The following ITSN1 variants were observed in gnomAD, a reference collection of about 807,000 sequenced individuals.
ITSN1 encodes the protein intersectin-1.
ITSN1 carries 58 observed loss-of-function variants against 239.8 expected under a neutral mutation model. The observed-to-expected ratio is 0.24, with a 90% CI of 0.20 to 0.30. The LOEUF (loss-of-function observed/expected upper bound fraction) is 0.30, where lower values mean the gene tolerates loss of function less well. ITSN1 is among the 10% of genes least tolerant of loss of function. The pLI is 1.00. For missense variants in ITSN1, 1,558 were observed against 2,103.3 expected (o/e 0.74, Z 5.07); for synonymous variants, 780 against 770.8 (o/e 1.01, Z -0.20).
chr21:33,833,388 T>C (rs2074407713), intron 27 of ITSN1, among the ~76,000 whole-genome samples: 1 of 152,198 alleles, frequency 6.6e-6, no homozygotes, highest in Non-Finnish European at 1.5e-5. Flanking sequence ...ATGTATGTCA[T>C]CTTGCATCTA....
At chr21:33,782,758 G>T (rs1412268145) in intron 16 of ITSN1, among the ~76,000 whole-genome samples, 1 of 152,204 alleles carries the variant, frequency 6.6e-6, no homozygotes, top group Admixed American at 6.5e-5. Context: ...GGGCGTGGTG[G>T]CTCATGCCTG....
At chr21:33,784,137 G>A (rs892104162) in intron 16 of ITSN1, among the ~76,000 whole-genome samples, 22 of 151,624 alleles carry the variant, frequency 1.5e-4, no homozygotes, top group African/African-American at 5.1e-4. Flanking sequence ...TTTAATTTTG[G>A]CTTTCTCTTA....
intron 5 of ITSN1, among the ~76,000 whole-genome samples, chr21:33,740,679 G>A (rs918543116): frequency 7.9e-5 from 12 of 152,102 alleles, no homozygotes; most frequent in South Asian, 2.1e-4. Flanking sequence ...GCCAGAATAC[G>A]GCTTCTGGTA....
At chr21:33,885,165 G>A (rs1009522604) in intron 37 of ITSN1, 42 bp downstream of exon 37, 4 of 1,516,390 alleles carry the variant, frequency 2.6e-6, no homozygotes, top group African/African-American at 1.4e-5. Context: ...AGCTGGGCAG[G>A]AGGGAGGGCC....
chr21:33,683,281 T>C (rs1026029033), intron 1 of ITSN1, among the ~76,000 whole-genome samples: 2 of 152,112 alleles, frequency 1.3e-5, no homozygotes, highest in African/African-American at 4.8e-5. Context: ...GTGAAGAGCT[T>C]GATAATAAGT....
At chr21:33,669,938 C>T (rs747358048) in intron 1 of ITSN1, among the ~76,000 whole-genome samples, 3 of 152,172 alleles carry the variant, frequency 2.0e-5, no homozygotes, top group Non-Finnish European at 2.9e-5. Flanking sequence ...CACTATTGAT[C>T]TGGCTTAGTT....
intron 1 of ITSN1, among the ~76,000 whole-genome samples, chr21:33,667,751 T>C (rs1172519323): frequency 6.6e-6 from 1 of 152,154 alleles, no homozygotes; most frequent in Admixed American, 6.5e-5. Context: ...GTTTCCTGAG[T>C]CTGCACTGTT....
chr21:33,687,320 C>T (rs951804756), intron 1 of ITSN1, among the ~76,000 whole-genome samples: 2 of 143,756 alleles, frequency 1.4e-5, no homozygotes, highest in Admixed American at 1.5e-4. Flanking sequence ...ATTGCTTGAA[C>T]CTGTGAGGCA....
At chr21:33,802,031 A>G (rs1044044767) in intron 19 of ITSN1, among the ~76,000 whole-genome samples, 1 of 152,244 alleles carries the variant, frequency 6.6e-6, no homozygotes, top group East Asian at 1.9e-4. Context: ...ATAGGAATCT[A>G]AAATTTCTGA....
chr21:33,759,929 GT>G (rs1176306501), intron 8 of ITSN1, among the ~76,000 whole-genome samples: 1 of 151,822 alleles, frequency 6.6e-6, no homozygotes, highest in Non-Finnish European at 1.5e-5. Context: ...GGGAAACCCT[GT>G]CTCTACTAAA....
At chr21:33,717,888 T>C (rs2065257541) in intron 1 of ITSN1, among the ~76,000 whole-genome samples, 1 of 152,196 alleles carries the variant, frequency 6.6e-6, no homozygotes, top group Admixed American at 6.5e-5. Flanking sequence ...TTTTTGTTTT[T>C]AGTTAGAGAA....
At chr21:33,816,528 G>A (rs899660100) in intron 22 of ITSN1, among the ~76,000 whole-genome samples, 1 of 152,198 alleles carries the variant, frequency 6.6e-6, no homozygotes, top group Admixed American at 6.5e-5. Flanking sequence ...GTAAGTGACA[G>A]ACCTGGGATT....
intron 4 of ITSN1, among the ~76,000 whole-genome samples, chr21:33,726,016 C>G (rs536290801): frequency 2.0e-5 from 3 of 152,122 alleles, no homozygotes; most frequent in Non-Finnish European, 4.4e-5. Context: ...TGTTTTGAGA[C>G]GGAGTCTTGC....
In ITSN1 at chr21:33,759,058, G is replaced by A. The variant is rs182016804; in HGVS notation, c.725-2865G>A. ...CAAGAGATAATTGTGATCTTCTAGT[G>A]TGGGGATTGGCAAACATTTTCTGTA... On this transcript the variant is annotated intron_variant, in intron 8 of 39. Coordinates refer to ENST00000381318, the MANE Select transcript of ITSN1 (RefSeq NM_003024.3). Among the ~76,000 whole-genome samples the A allele has an allele frequency of 3.9e-5, 6 of 152,350 alleles. No individual in the cohort carries two copies. The East Asian group carries it at 9.6e-4, about 24-fold the overall frequency.
intron 20 of ITSN1, 136 bp downstream of exon 20, chr21:33,802,580 A>G (rs1396008270): frequency 2.5e-6 from 2 of 801,436 alleles, no homozygotes; most frequent in Non-Finnish European, 4.1e-6. Context: ...TCTGTGTAGT[A>G]GGTTGTGCTT....
chr21:33,858,838 C>G (rs113127322), intron 31 of ITSN1, 46 bp downstream of exon 31: 2 of 1,092,660 alleles, frequency 1.8e-6, no homozygotes, highest in East Asian at 2.4e-5. Context: ...CTCCTCGGCT[C>G]TCATGCACTC....
chr21:33,706,461 A>C (rs2092251095), intron 1 of ITSN1, among the ~76,000 whole-genome samples: 2 of 151,024 alleles, frequency 1.3e-5, no homozygotes, highest in Non-Finnish European at 2.9e-5. Flanking sequence ...TAGAATTTTA[A>C]TAAAAGGCAT....
chr21:33,755,754 GT>G (rs1248694806), intron 8 of ITSN1, among the ~76,000 whole-genome samples: 1 of 152,174 alleles, frequency 6.6e-6, no homozygotes, highest in Non-Finnish European at 1.5e-5. Flanking sequence ...TGTTCACTAG[GT>G]TAGAGTTGGA....
At chr21:33,787,800 C>T (rs2070783097) in intron 16 of ITSN1, among the ~76,000 whole-genome samples, 1 of 152,130 alleles carries the variant, frequency 6.6e-6, no homozygotes, top group Admixed American at 6.5e-5. Flanking sequence ...AGCCATGTTG[C>T]TTTGTCATAA....
Sources: gnomAD v4.1 joint callset for allele counts (sites outside exome capture counted in the v4.1 genomes callset) on GRCh38, gnomAD v4.1.1 for gene constraint, MANE v1.5 for transcripts, NCBI Gene and HGNC (gene_info 2026-07-23, HGNC 2026-07-21) for gene names.